The following PPP2R3A variants were observed in gnomAD, a reference collection of about 807,000 sequenced individuals.
PPP2R3A encodes protein phosphatase 2 regulatory subunit B''alpha.
In PPP2R3A, 80 loss-of-function variants were observed where a neutral mutation model predicts 106.9. That is an observed-to-expected ratio of 0.75 (90% CI 0.62 to 0.90). The LOEUF (loss-of-function observed/expected upper bound fraction) is 0.90. Among genes scored for constraint, PPP2R3A ranks in the 40% least tolerant of loss-of-function variants. The probability of loss-of-function intolerance (pLI) is 0.00; values close to 1 mark genes in which losing one functional copy is unlikely to be tolerated. For synonymous variants in PPP2R3A, 483 were observed against 468.3 expected (o/e 1.03, Z -0.41); for missense variants, 1,386 against 1,350.4 (o/e 1.03, Z -0.41).
intron 5 of PPP2R3A, among the ~76,000 whole-genome samples, chr3:136,050,909 G>A (rs957970550): frequency 9.2e-5 from 14 of 152,124 alleles, no homozygotes; most frequent in Non-Finnish European, 1.5e-4. Context: ...GGCACTGTGC[G>A]TATTGTAGGC....
chr3:135,994,229 T>A (rs1262103128), intron 1 of PPP2R3A, among the ~76,000 whole-genome samples: 2 of 152,210 alleles, frequency 1.3e-5, no homozygotes, highest in Admixed American at 6.5e-5. Flanking sequence ...GATTCTTTAA[T>A]CCACAGTGGA....
intron 5 of PPP2R3A, among the ~76,000 whole-genome samples, chr3:136,063,745 A>G (rs1444855322): frequency 1.2e-3 from 179 of 151,062 alleles, no homozygotes; most frequent in African/African-American, 4.2e-3. Context: ...TAGAATGGCA[A>G]TCATTAAAAA....
chr3:135,969,255 T>C (rs1174485199), intron 1 of PPP2R3A, among the ~76,000 whole-genome samples: 1 of 152,086 alleles, frequency 6.6e-6, no homozygotes, highest in African/African-American at 2.4e-5. Flanking sequence ...GTGGATAACA[T>C]AGGAGAGAAA....
chr3:136,083,597 G>A (rs6799320), intron 8 of PPP2R3A, among the ~76,000 whole-genome samples: 29,820 of 152,126 alleles, frequency 0.2, 3,424 homozygotes, highest in Non-Finnish European at 0.27. Context: ...AGCATGGGGC[G>A]CTGCTGTAAA....
Position 136,001,642 on chromosome 3 carries a change from C to T in PPP2R3A, c.144C>T (p.His48=), listed in dbSNP as rs1249148712. Reference sequence around the variant, plus strand: ...ATGGAATTGACTGCATTGTGGTACACCATAGTGTTTGTGCAGACCTCTTGC... The same window carrying T: ...ATGGAATTGACTGCATTGTGGTACATCATAGTGTTTGTGCAGACCTCTTGC... ...FTHGIDCIVV[H]HSVCADLLHI... Residue 48 remains histidine, a synonymous_variant, in exon 2 of 14, where the codon CAC becomes CAT. Transcript: ENST00000264977. The T allele has an allele frequency of 6.2e-7, 1 of 1,614,142 alleles. No individual in the cohort carries two copies. The highest frequency in any genetic ancestry group is 2.2e-5 in the East Asian group (1 of 44,882).
chr3:136,054,819 G>T (rs28576629), intron 5 of PPP2R3A, among the ~76,000 whole-genome samples: 26,577 of 152,112 alleles, frequency 0.17, 2,894 homozygotes, highest in Non-Finnish European at 0.24. Flanking sequence ...TGGTCAGAAT[G>T]CCATGAGATA....
chr3:136,021,504 T>C (rs1050350823), intron 2 of PPP2R3A, among the ~76,000 whole-genome samples: 3 of 152,072 alleles, frequency 2.0e-5, no homozygotes, highest in Admixed American at 1.3e-4. Flanking sequence ...TGAAAAGAAA[T>C]CAGTGGGAAA....
intron 5 of PPP2R3A, among the ~76,000 whole-genome samples, chr3:136,066,498 A>G (rs1936265418): frequency 6.6e-6 from 1 of 152,204 alleles, no homozygotes; most frequent in African/African-American, 2.4e-5. Context: ...CTGTAAAGAA[A>G]TAACAGATAC....
chr3:136,128,193 G>A (rs1938257485), intron 13 of PPP2R3A, among the ~76,000 whole-genome samples: 1 of 152,108 alleles, frequency 6.6e-6, no homozygotes. Context: ...TGGGCTAAAT[G>A]CCCCAATTAA....
In PPP2R3A at chr3:136,049,428, A is replaced by G. The variant is rs1576462289; in HGVS notation, c.2469+67A>G. The G allele has an allele frequency of 9.8e-6, 11 of 1,123,062 alleles. No individual in the cohort carries two copies. The East Asian group carries it at 2.4e-4, about 24-fold the overall frequency. 69.6% of individuals were successfully genotyped at this position (1,123,062 alleles called of 1,614,324 possible). On this transcript the variant is annotated intron_variant, in intron 5 of 13. Coordinates refer to ENST00000264977, the MANE Select transcript of PPP2R3A (RefSeq NM_002718.5). ...GTTTCAGCAGTTTTGTTTAAAATTT[A>G]CAACTATAACATGTCAATTGAGCTA...
rs142051250 is a variant in PPP2R3A at position 136,023,835 on chromosome 3, A to G, written c.1996-2997A>G. 1.9e-3 allele frequency among the ~76,000 whole-genome samples: 283 copies of G among 152,246 alleles called. 2 individuals are homozygous for G. The highest frequency in any genetic ancestry group is 6.5e-3 in the African/African-American group (270 of 41,548). On this transcript the variant is annotated intron_variant, in intron 2 of 13. Transcript: ENST00000264977. ...TCTGCCTATGATGAGTACTTTGCAGAGTCCCTACTTTCTTGCTTAAAACCT... is the reference window on the plus strand; with the variant it reads ...TCTGCCTATGATGAGTACTTTGCAGGGTCCCTACTTTCTTGCTTAAAACCT...
At chr3:136,087,766 C>T (rs1936990975) in intron 8 of PPP2R3A, 117 bp from the exon 9 acceptor site, 2 of 638,700 alleles carry the variant, frequency 3.1e-6, no homozygotes, top group Admixed American at 5.8e-5. Flanking sequence ...ACATTCTCAT[C>T]ATGGACGATG....
intron 10 of PPP2R3A, among the ~76,000 whole-genome samples, chr3:136,093,657 G>C (rs1047165569): frequency 2.0e-5 from 3 of 152,142 alleles, no homozygotes; most frequent in African/African-American, 7.2e-5. Flanking sequence ...AAAGATGCTT[G>C]ACATCATTAG....
intron 5 of PPP2R3A, among the ~76,000 whole-genome samples, chr3:136,054,652 A>G (rs1452680353): frequency 6.6e-6 from 1 of 152,222 alleles, no homozygotes; most frequent in Non-Finnish European, 1.5e-5. Flanking sequence ...ATGTGAAAAT[A>G]AAGGAATTAT....
At position 136,033,200 on chromosome 3, in the gene PPP2R3A, C is replaced by G. The variant is rs557251171; in HGVS notation, c.2262+6102C>G. Among the ~76,000 whole-genome samples the G allele has an allele frequency of 1.3e-4, 20 of 152,260 alleles. No individual in the cohort carries two copies. The South Asian group carries it at 4.1e-3, about 32-fold the overall frequency. ...CATCTATTGACTTGCATATGTTAAA[C>G]CATCCCTGCATCCCTGATATGAAAC... On this transcript the variant is annotated intron_variant, in intron 3 of 13. Coordinates refer to ENST00000264977, the MANE Select transcript of PPP2R3A (RefSeq NM_002718.5).
At chr3:136,030,761 C>CATAT (rs374923726) in intron 3 of PPP2R3A, among the ~76,000 whole-genome samples, 5,124 of 99,670 alleles carry the variant, frequency 0.051, 205 homozygotes, top group African/African-American at 0.067. Context: ...TATTCCATCA[C>CATAT]ATATATATAT....
intron 2 of PPP2R3A, among the ~76,000 whole-genome samples, chr3:136,014,819 T>C (rs188417308): frequency 1.1e-3 from 170 of 152,264 alleles, no homozygotes; most frequent in African/African-American, 3.9e-3. Context: ...CCTTTATTTC[T>C]TTCTCTTGCC....
At chr3:135,989,822 C>T (rs1244785326) in intron 1 of PPP2R3A, among the ~76,000 whole-genome samples, 1 of 151,936 alleles carries the variant, frequency 6.6e-6, no homozygotes, top group Non-Finnish European at 1.5e-5. Flanking sequence ...AGAAGTTTCT[C>T]TATATTAAGT....
At chr3:135,994,743 TAC>T (rs1933318589) in intron 1 of PPP2R3A, among the ~76,000 whole-genome samples, 1 of 152,196 alleles carries the variant, frequency 6.6e-6, no homozygotes, top group Non-Finnish European at 1.5e-5. Context: ...TTTTCAGCGT[TAC>T]CAATACCAGA....
Sources: allele counts gnomAD v4.1 joint callset (sites outside exome capture counted in the v4.1 genomes callset), GRCh38; gene constraint gnomAD v4.1.1; transcripts MANE v1.5; gene names NCBI Gene and HGNC (gene_info 2026-07-23, HGNC 2026-07-21).